STK32B: variants seen among roughly 807,000 people sequenced by gnomAD.
The protein encoded by STK32B is serine/threonine-protein kinase 32B.
STK32B carries 43 observed loss-of-function variants against 52.6 expected under a neutral mutation model. The ratio of observed to expected loss-of-function variants is 0.82; its 90% CI spans 0.64 to 1.05. The LOEUF (loss-of-function observed/expected upper bound fraction) is 1.05. Among genes scored for constraint, STK32B ranks in the 50% least tolerant of loss-of-function variants. The pLI is 0.00. For missense variants in STK32B, 621 were observed against 534.6 expected, an observed-to-expected ratio of 1.16 and a Z score of -1.59; for synonymous variants, 238 against 204.3, an observed-to-expected ratio of 1.17 and a Z score of -1.41.
At chr4:5,365,826 G>A (rs537190771) in intron 4 of STK32B, among the ~76,000 whole-genome samples, 23 of 152,300 alleles carry the variant, frequency 1.5e-4, no homozygotes, top group African/African-American at 4.3e-4. Context: ...AAACGCGAGC[G>A]TGCATGTGTT....
At chr4:5,314,590 A>T (rs2108916675) in intron 3 of STK32B, among the ~76,000 whole-genome samples, 1 of 152,310 alleles carries the variant, frequency 6.6e-6, no homozygotes, top group African/African-American at 2.4e-5. Context: ...GAATCACTTG[A>T]ACCCAGGAGG....
chr4:5,309,643 C>G (rs1168470953), intron 3 of STK32B, among the ~76,000 whole-genome samples: 1 of 152,152 alleles, frequency 6.6e-6, no homozygotes, highest in Non-Finnish European at 1.5e-5. Flanking sequence ...GAAGGACAGT[C>G]TCTTTAATGA....
intron 3 of STK32B, among the ~76,000 whole-genome samples, chr4:5,241,182 T>C (rs1724998054): frequency 6.6e-6 from 1 of 152,214 alleles, no homozygotes; most frequent in Non-Finnish European, 1.5e-5. Context: ...GTTCCTGATG[T>C]ACTATTTTTG....
intron 1 of STK32B, among the ~76,000 whole-genome samples, chr4:5,057,156 G>T (rs544912898): frequency 6.6e-6 from 1 of 152,308 alleles, no homozygotes; most frequent in East Asian, 1.9e-4. Context: ...CTTATTGGGG[G>T]CCAATTTCTT....
At chr4:5,091,206 A>C (rs1270934510) in intron 1 of STK32B, among the ~76,000 whole-genome samples, 1 of 152,162 alleles carries the variant, frequency 6.6e-6, no homozygotes, top group Non-Finnish European at 1.5e-5. Context: ...AGTAACAAAA[A>C]AGTAAAAATA....
chr4:5,031,594 A>C, the STK32B span, among the ~76,000 whole-genome samples: 1 of 152,114 alleles, frequency 6.6e-6, no homozygotes, highest in African/African-American at 2.4e-5. Context: ...GTCTCCAAAA[A>C]AAAAAAGATA....
At chr4:5,372,911 A>C (rs993919607) in intron 4 of STK32B, among the ~76,000 whole-genome samples, 12 of 152,226 alleles carry the variant, frequency 7.9e-5, no homozygotes, top group African/African-American at 2.9e-4. Context: ...TCTTCAGGAC[A>C]TAAGACCCAT....
chr4:5,087,166 G>A (rs1712777687), intron 1 of STK32B, among the ~76,000 whole-genome samples: 1 of 152,088 alleles, frequency 6.6e-6, no homozygotes, highest in Non-Finnish European at 1.5e-5. Flanking sequence ...ACAGCATAAA[G>A]GGGATGAATG....
chr4:5,449,963 A>G (rs1320082315), intron 7 of STK32B, among the ~76,000 whole-genome samples: 1 of 152,188 alleles, frequency 6.6e-6, no homozygotes, highest in East Asian at 1.9e-4. Flanking sequence ...TCATAATAAT[A>G]AAGTGTAGAA....
intron 11 of STK32B, among the ~76,000 whole-genome samples, chr4:5,479,839 G>A (rs549062303): frequency 1.5e-3 from 227 of 152,174 alleles, no homozygotes; most frequent in Non-Finnish European, 2.4e-3. Flanking sequence ...CTGTGTTTGC[G>A]GTTTTTTGGG....
At chr4:5,264,750 G>A (rs534716597) in intron 3 of STK32B, among the ~76,000 whole-genome samples, 6 of 152,154 alleles carry the variant, frequency 3.9e-5, no homozygotes, top group East Asian at 1.9e-4. Flanking sequence ...TTGCGCCACT[G>A]CACTCCAGCC....
chr4:5,157,115 G>A (rs1234875705), intron 2 of STK32B, among the ~76,000 whole-genome samples: 1 of 152,104 alleles, frequency 6.6e-6, no homozygotes, highest in East Asian at 1.9e-4. Flanking sequence ...ATGTTCAAAA[G>A]CATTTGGCTT....
intron 4 of STK32B, among the ~76,000 whole-genome samples, chr4:5,375,509 AT>A (rs533800903): frequency 6.6e-6 from 1 of 151,734 alleles, no homozygotes; most frequent in Non-Finnish European, 1.5e-5. Context: ...ATTTCTATGA[AT>A]TTTTTTTCAG....
chr4:5,191,067 C>T (rs1721161861), intron 3 of STK32B, among the ~76,000 whole-genome samples: 1 of 152,152 alleles, frequency 6.6e-6, no homozygotes, highest in Non-Finnish European at 1.5e-5. Context: ...ATCTTATCTG[C>T]TAACTCGAAT....
chr4:5,432,633 T>A (rs1170635071), intron 6 of STK32B, among the ~76,000 whole-genome samples: 1 of 152,180 alleles, frequency 6.6e-6, no homozygotes, highest in Non-Finnish European at 1.5e-5. Flanking sequence ...TATATCCTAT[T>A]CTTTGAACCT....
chr4:5,362,865 C>T (rs116800812), intron 4 of STK32B, among the ~76,000 whole-genome samples: 1,711 of 152,304 alleles, frequency 0.011, 20 homozygotes, highest in South Asian at 0.058. Context: ...ATAACCTTGT[C>T]TCTATGGTTA....
intron 1 of STK32B, among the ~76,000 whole-genome samples, chr4:5,059,147 C>G (rs1742124533): frequency 6.9e-6 from 1 of 144,322 alleles, no homozygotes. Context: ...AAGCAATCCT[C>G]CCACCTCAGC....
At chr4:5,263,795 C>G (rs1344219169) in intron 3 of STK32B, among the ~76,000 whole-genome samples, 3 of 152,182 alleles carry the variant, frequency 2.0e-5, no homozygotes, top group Non-Finnish European at 2.9e-5. Flanking sequence ...CTATCATCCC[C>G]CAAATTTCTC....
intron 3 of STK32B, among the ~76,000 whole-genome samples, chr4:5,174,416 G>C (rs1337146795): frequency 6.6e-6 from 1 of 152,088 alleles, no homozygotes; most frequent in African/African-American, 2.4e-5. Context: ...TTACAATTTG[G>C]CATGTTTTTG....
Sources: gnomAD v4.1 joint callset for allele counts (sites outside exome capture counted in the v4.1 genomes callset) on GRCh38, gnomAD v4.1.1 for gene constraint, MANE v1.5 for transcripts, NCBI Gene and HGNC (gene_info 2026-07-23, HGNC 2026-07-21) for gene names.